Variants in TRERF1 observed in about 807,000 individuals in gnomAD.
The protein encoded by TRERF1 is transcriptional regulating factor 1.
Under a neutral mutation model 122.9 loss-of-function variants are expected in TRERF1, and 27 were observed. The ratio of observed to expected loss-of-function variants is 0.22; its 90% CI spans 0.16 to 0.30. TRERF1 has a LOEUF of 0.30. TRERF1 is among the 10% of genes least tolerant of loss of function. The probability of loss-of-function intolerance (pLI) is 1.00; values close to 1 mark genes in which losing one functional copy is unlikely to be tolerated. For synonymous variants in TRERF1, 636 were observed against 641.7 expected (o/e 0.99, Z 0.13); for missense variants, 1,248 against 1,560.3 (o/e 0.80, Z 3.37).
chr6:42,265,868 G>C, intron 5 of TRERF1, 71 bp from the exon 6 acceptor site: 1 of 1,506,586 alleles, frequency 6.6e-7, no homozygotes, highest in Non-Finnish European at 9.1e-7. Flanking sequence ...AGAAGTCCTC[G>C]AGCAGTGGGA....
intron 3 of TRERF1, among the ~76,000 whole-genome samples, chr6:42,345,416 A>G (rs1581704820): frequency 6.6e-6 from 1 of 152,164 alleles, no homozygotes; most frequent in Non-Finnish European, 1.5e-5. Context: ...CACCTTCCCA[A>G]CAGCAGGCTG....
rs74902881 is a variant in TRERF1, at chr6:42,291,346, C to T, written c.-259+9292G>A. 4.0e-5 allele frequency among the ~76,000 whole-genome samples: 6 copies of T among 151,832 alleles called. No individual in the cohort carries two copies. In the East Asian group the frequency reaches 1.2e-3, roughly 29 times the overall value. ...AGGAGAGAAAGTCTATGCCGTAGTA[C>T]AGGCACGTCCCATGAATCTGGCTGT... On this transcript the variant is annotated intron_variant, in intron 4 of 17. Coordinates refer to ENST00000372922, the Ensembl canonical transcript of TRERF1.
At chr6:42,273,468 A>T (rs1265477676) in intron 4 of TRERF1, among the ~76,000 whole-genome samples, 2 of 152,224 alleles carry the variant, frequency 1.3e-5, no homozygotes, top group African/African-American at 4.8e-5. Context: ...CTCAGTATAG[A>T]TCAAGAAGTT....
intron 2 of TRERF1, among the ~76,000 whole-genome samples, chr6:42,414,624 C>T (rs902991198): frequency 6.6e-6 from 1 of 152,198 alleles, no homozygotes; most frequent in East Asian, 1.9e-4. Context: ...GTAAGAAATA[C>T]ACTTTACATT....
At chr6:42,438,437 C>T (rs1785861428) in intron 2 of TRERF1, among the ~76,000 whole-genome samples, 1 of 150,958 alleles carries the variant, frequency 6.6e-6, no homozygotes, top group Non-Finnish European at 1.5e-5. Flanking sequence ...TGGCAAATCC[C>T]CACCGCTACT....
Position 42,263,594 on chromosome 6 carries a change from C to G in TRERF1, c.1636-26G>C. 6.8e-7 allele frequency: 1 copy of G among 1,477,530 alleles called. No individual in the cohort carries two copies. The highest frequency in any genetic ancestry group is 9.0e-7 in the Non-Finnish European group (1 of 1,110,976). The allele number at this position is 1,477,530 out of a possible 1,614,324, so 91.5% of individuals were successfully genotyped here. A position where few individuals can be genotyped will look rare whatever the true frequency, so the allele number is the denominator to read the frequency against. On this transcript the variant is annotated intron_variant, in intron 7 of 17. Transcript: ENST00000372922. The surrounding 1 kb of genome is among the most constrained non-coding windows in gnomAD (Gnocchi z 5.6). ...CTACACAGACAATAAAGGCTTTGAT[C>G]CTGGGCTGAGAGCAGCTCTCACAAG...
chr6:42,438,747 C>T (rs905771279), intron 2 of TRERF1, among the ~76,000 whole-genome samples: 5 of 152,102 alleles, frequency 3.3e-5, no homozygotes, highest in African/African-American at 1.2e-4. Context: ...AAATTTAAGC[C>T]CCAAAAGTGT....
intron 3 of TRERF1, among the ~76,000 whole-genome samples, chr6:42,311,167 A>T (rs1220017411): frequency 1.3e-5 from 2 of 152,214 alleles, no homozygotes; most frequent in African/African-American, 4.8e-5. Flanking sequence ...GAGAATAACA[A>T]TATACAAGTA....
intron 9 of TRERF1, 67 bp from the exon 10 acceptor site, chr6:42,258,268 G>A: frequency 1.4e-6 from 2 of 1,432,892 alleles, no homozygotes; most frequent in Non-Finnish European, 2.0e-6. Flanking sequence ...TAAAGCAAAT[G>A]AGCAGTTACC....
rs149055884 is a variant in TRERF1, at chr6:42,395,392, T to C, written c.-453-32313A>G. ...TTCTTAAGATCTGGCTCTTGCAGTATTCAGTTCTCAGGAAATGTCTGACAA... is the reference window on the plus strand; with the variant it reads ...TTCTTAAGATCTGGCTCTTGCAGTACTCAGTTCTCAGGAAATGTCTGACAA... On this transcript the variant is annotated intron_variant, in intron 2 of 17. Coordinates refer to ENST00000372922, the Ensembl canonical transcript of TRERF1. Among the ~76,000 whole-genome samples, 66 of 152,272 alleles carry C rather than the reference T, an allele frequency of 4.3e-4. 2 individuals carry two copies. The East Asian group carries it at 0.011, about 26-fold the overall frequency.
intron 3 of TRERF1, among the ~76,000 whole-genome samples, chr6:42,319,812 CAA>C (rs35939756): frequency 0.015 from 1,670 of 114,216 alleles, 17 homozygotes; most frequent in African/African-American, 0.04. Flanking sequence ...GACTGTGTTT[CAA>C]AAAAAAAAAA....
At position 42,228,305 on chromosome 6, in the gene TRERF1, G is replaced by A. The variant is rs558484342; in HGVS notation, c.*40C>T. ...AGGTTTCCTGATTAATGAAGATGGA[G>A]GCCGTGGGTTTTCACTGTCTCTAAG... On this transcript the variant is annotated 3_prime_UTR_variant, in exon 18 of 18. Coordinates refer to ENST00000372922, the Ensembl canonical transcript of TRERF1. This position sits in a 1 kb window ranked among gnomAD's most constrained non-coding sequence, Gnocchi z 4.2. 1 of 1,528,894 alleles carries A rather than the reference G, an allele frequency of 6.5e-7. No individual in the cohort carries two copies. The highest frequency in any genetic ancestry group is 2.3e-5 in the East Asian group (1 of 43,788). The allele number at this position is 1,528,894 out of a possible 1,614,324, so 94.7% of individuals were successfully genotyped here. A position where few individuals can be genotyped will look rare whatever the true frequency, so the allele number is the denominator to read the frequency against.
intron 3 of TRERF1, among the ~76,000 whole-genome samples, chr6:42,316,019 C>T (rs1391962217): frequency 1.3e-5 from 2 of 152,152 alleles, no homozygotes; most frequent in Non-Finnish European, 2.9e-5. Flanking sequence ...TTGGTTCTTC[C>T]TGCAGAATGA....
chr6:42,314,331 C>T (rs1582983337), intron 3 of TRERF1, among the ~76,000 whole-genome samples: 1 of 152,318 alleles, frequency 6.6e-6, no homozygotes, highest in Middle Eastern at 3.4e-3. Flanking sequence ...TGAGTCTACC[C>T]TGATCGAACT....
intron 2 of TRERF1, among the ~76,000 whole-genome samples, chr6:42,395,769 T>C (rs1484501951): frequency 1.3e-4 from 19 of 151,836 alleles, no homozygotes; most frequent in Non-Finnish European, 4.4e-5. Flanking sequence ...AGTAGGTCCA[T>C]GATCACCCCT....
chr6:42,342,131 T>C (rs915219891), intron 3 of TRERF1, among the ~76,000 whole-genome samples: 1 of 152,272 alleles, frequency 6.6e-6, no homozygotes, highest in Non-Finnish European at 1.5e-5. Flanking sequence ...CCCATGCCAG[T>C]GCTCTGAGGA....
In TRERF1 at chr6:42,283,534, A is replaced by G. The variant is rs184686905; in HGVS notation, c.-258-13686T>C. Reference sequence around the variant, plus strand: ...GAGATTTTTCATTTTATAACTTTTTATATTTTTCTGTGTTTTTGAACCATG... The same window carrying G: ...GAGATTTTTCATTTTATAACTTTTTGTATTTTTCTGTGTTTTTGAACCATG... On this transcript the variant is annotated intron_variant, in intron 4 of 17. Coordinates refer to ENST00000372922, the Ensembl canonical transcript of TRERF1. Among the ~76,000 whole-genome samples the G allele has an allele frequency of 8.7e-4, 131 of 150,686 alleles. 1 individual carries two copies. The highest frequency in any genetic ancestry group is 6.8e-3 in the Middle Eastern group (2 of 292).
chr6:42,409,400 C>A (rs1263088175), intron 2 of TRERF1, among the ~76,000 whole-genome samples: 2 of 152,160 alleles, frequency 1.3e-5, no homozygotes, highest in Admixed American at 6.5e-5. Flanking sequence ...GCCTTGTTTG[C>A]TTAGAGAAGT....
chr6:42,438,595 G>A (rs1408440557), intron 2 of TRERF1, among the ~76,000 whole-genome samples: 2 of 150,002 alleles, frequency 1.3e-5, no homozygotes, highest in Non-Finnish European at 3.0e-5. Flanking sequence ...GGGCAACAGA[G>A]TGAGACTCTG....
Sources: gnomAD v4.1 joint callset for allele counts (sites outside exome capture counted in the v4.1 genomes callset) on GRCh38, gnomAD v4.1.1 for gene constraint, Gnocchi (gnomAD v3.1) non-coding constraint, MANE v1.5 for transcripts, NCBI Gene and HGNC (gene_info 2026-07-23, HGNC 2026-07-21) for gene names.